Variants in TEX9 observed in about 807,000 individuals in gnomAD.
TEX9 encodes testis expressed 9.
Under a neutral mutation model 59.6 loss-of-function variants are expected in TEX9, and 74 were observed. That is an observed-to-expected ratio of 1.24 (90% CI 1.03 to 1.51). The LOEUF (loss-of-function observed/expected upper bound fraction) is 1.51. Ranked by LOEUF, TEX9 falls within the 40% of genes most tolerant of loss-of-function variation. The pLI, the probability that TEX9 is intolerant of heterozygous loss-of-function variation, is 0.00. For missense variants in TEX9, 522 were observed against 447.8 expected, an observed-to-expected ratio of 1.17 and a Z score of -1.49; for synonymous variants, 186 against 152.2, an observed-to-expected ratio of 1.22 and a Z score of -1.64.
At chr15:56,409,666 A>G (rs1261926164) in intron 9 of TEX9, 3 of 134,704 alleles carry the variant, frequency 2.2e-5, no homozygotes, top group African/African-American at 7.5e-5. Flanking sequence ...ATGTCCAGCT[A>G]ATTTTTAAAT....
chr15:56,327,739 G>A (rs1411914148), intron 1 of TEX9, among the ~76,000 whole-genome samples: 1 of 152,166 alleles, frequency 6.6e-6, no homozygotes, highest in East Asian at 1.9e-4. Context: ...GGAAACTGGT[G>A]CTGCCAACAC....
chr15:56,365,834 G>A, intron 2 of TEX9, 164 bp downstream of exon 2: 1 of 1,436,900 alleles, frequency 7.0e-7, no homozygotes, highest in Non-Finnish European at 9.1e-7. Context: ...CTTTGTCTTT[G>A]ATCTGAGTAG....
At chr15:56,400,071 CTCT>C (rs1346468229) in intron 9 of TEX9, among the ~76,000 whole-genome samples, 1 of 152,182 alleles carries the variant, frequency 6.6e-6, no homozygotes, top group Non-Finnish European at 1.5e-5. Context: ...ACCAGAGCAC[CTCT>C]TCTTCTCCAA....
intron 1 of TEX9, among the ~76,000 whole-genome samples, chr15:56,275,083 A>G (rs2044637621): frequency 6.6e-6 from 1 of 152,120 alleles, no homozygotes; most frequent in African/African-American, 2.4e-5. Context: ...AGTAGATCCT[A>G]TGTCCCTATG....
intron 1 of TEX9, among the ~76,000 whole-genome samples, chr15:56,291,651 T>C (rs1296102263): frequency 2.0e-5 from 3 of 152,200 alleles, no homozygotes; most frequent in Admixed American, 1.3e-4. Flanking sequence ...AACTTATATC[T>C]CTTGTCTAAC....
At chr15:56,248,239 T>C (rs1336886345) in intron 1 of TEX9, among the ~76,000 whole-genome samples, 2 of 152,242 alleles carry the variant, frequency 1.3e-5, no homozygotes, top group African/African-American at 2.4e-5. Context: ...TAAGTTAATA[T>C]TGGCAAATTT....
chr15:56,266,181 C>T (rs2044377697), intron 1 of TEX9, among the ~76,000 whole-genome samples: 1 of 151,648 alleles, frequency 6.6e-6, no homozygotes, highest in African/African-American at 2.4e-5. Flanking sequence ...GGCTGGAGTG[C>T]AGTGGTGCAG....
At chr15:56,266,376 G>A (rs1442583612) in intron 1 of TEX9, among the ~76,000 whole-genome samples, 2 of 151,350 alleles carry the variant, frequency 1.3e-5, no homozygotes, top group African/African-American at 4.9e-5. Flanking sequence ...TGCACTATGT[G>A]CAGGTTTCTT....
intron 11 of TEX9, 116 bp downstream of exon 11, chr15:56,427,855 A>G: frequency 4.1e-6 from 3 of 737,076 alleles, no homozygotes; most frequent in Non-Finnish European, 6.3e-6. Context: ...ACTTCATATA[A>G]AATGCATCAT....
chr15:56,455,247 G>GAAAAAAAAAAAAAAAAAAA, the TEX9 span, among the ~76,000 whole-genome samples: 1 of 82,914 alleles, frequency 1.2e-5, no homozygotes, highest in Non-Finnish European at 2.4e-5. Context: ...ATCGTCAGGT[G>GAAAAAAAAAAAAAAAAAAA]AAAAAAAAAA....
At chr15:56,406,304 G>T (rs541431524) in intron 9 of TEX9, among the ~76,000 whole-genome samples, 2 of 151,976 alleles carry the variant, frequency 1.3e-5, no homozygotes, top group East Asian at 3.9e-4. Context: ...TCCTTGTATT[G>T]CTCCATATTA....
intron 1 of TEX9, among the ~76,000 whole-genome samples, chr15:56,251,232 T>A (rs1295714560): frequency 1.3e-5 from 2 of 152,204 alleles, no homozygotes; most frequent in Non-Finnish European, 2.9e-5. Flanking sequence ...GATGTTAGTA[T>A]GTTTTTGTTT....
chr15:56,295,852 A>G (rs2045205097), intron 1 of TEX9, among the ~76,000 whole-genome samples: 1 of 152,202 alleles, frequency 6.6e-6, no homozygotes, highest in African/African-American at 2.4e-5. Context: ...AACCAAATCC[A>G]TGTGAATGAG....
chr15:56,337,794 G>A (rs1282440348), intron 1 of TEX9, among the ~76,000 whole-genome samples: 2 of 152,106 alleles, frequency 1.3e-5, no homozygotes, highest in African/African-American at 2.4e-5. Flanking sequence ...AAATTTTTTG[G>A]TTTTCTTCCT....
chr15:56,394,016 T>C (rs1190378066), intron 7 of TEX9, 149 bp from the exon 8 acceptor site: 4 of 580,406 alleles, frequency 6.9e-6, no homozygotes, highest in African/African-American at 3.9e-5. Flanking sequence ...ATTAGGACTG[T>C]TGAGTACCTA....
chr15:56,440,277 CAG>C (rs1274833115), intron 12 of TEX9, among the ~76,000 whole-genome samples: 1 of 152,004 alleles, frequency 6.6e-6, no homozygotes, highest in Non-Finnish European at 1.5e-5. Context: ...CTTCTGAGGA[CAG>C]AGGAGAAAAA....
chr15:56,417,653 A>C (rs115407963), intron 10 of TEX9, among the ~76,000 whole-genome samples: 2,834 of 151,952 alleles, frequency 0.019, 146 homozygotes, highest in African/African-American at 0.064. Context: ...ACTAAGAAGA[A>C]TGTATATTGT....
chr15:56,420,346 T>C (rs1188382404), intron 10 of TEX9, among the ~76,000 whole-genome samples: 1 of 151,448 alleles, frequency 6.6e-6, no homozygotes, highest in Non-Finnish European at 1.5e-5. Context: ...CTTGCTCTGT[T>C]GCCCAGGGTG....
At chr15:56,429,326 T>C (rs2050489343) in intron 12 of TEX9, 1 of 605,570 alleles carries the variant, frequency 1.7e-6, no homozygotes, top group Admixed American at 3.8e-5. Context: ...TTAATGAAAC[T>C]TTAAAAAAAT....
Sources: allele counts gnomAD v4.1 joint callset (sites outside exome capture counted in the v4.1 genomes callset), GRCh38; gene constraint gnomAD v4.1.1; transcripts MANE v1.5; gene names NCBI Gene and HGNC (gene_info 2026-07-23, HGNC 2026-07-21).